Variants in HMGA2 observed in about 807,000 individuals in gnomAD.
HMGA2 encodes high mobility group protein HMGI-C.
A neutral mutation model predicts 19.1 loss-of-function variants in HMGA2; 8 were observed. The ratio of observed to expected loss-of-function variants is 0.42; its 90% CI spans 0.25 to 0.76. HMGA2 has a LOEUF of 0.76. Ranked by LOEUF, HMGA2 falls within the 30% of genes least tolerant of loss-of-function variation. HMGA2 has a pLI of 0.28. For synonymous variants in HMGA2, 60 were observed against 48.8 expected (o/e 1.23, Z -0.96); for missense variants, 109 against 136.3 (o/e 0.80, Z 1.00).
chr12:65,834,578 CCCTCCCTT>C (rs895107439), intron 2 of HMGA2, among the ~76,000 whole-genome samples: 8 of 139,180 alleles, frequency 5.7e-5, no homozygotes, highest in Admixed American at 2.2e-4. Context: ...CTCCCTCACT[CCCTCCCTT>C]CCTCCCTTCC....
chr12:65,851,957 A>C (rs1871494364), intron 3 of HMGA2, among the ~76,000 whole-genome samples: 1 of 152,186 alleles, frequency 6.6e-6, no homozygotes, highest in Non-Finnish European at 1.5e-5. Context: ...AATAATTGTC[A>C]TATCTTCTTT....
At chr12:65,863,823 C>A (rs912124627) in intron 3 of HMGA2, among the ~76,000 whole-genome samples, 1 of 152,114 alleles carries the variant, frequency 6.6e-6, no homozygotes, top group Non-Finnish European at 1.5e-5. Flanking sequence ...GTGATGTTTC[C>A]AGGTAATTTG....
intron 3 of HMGA2, among the ~76,000 whole-genome samples, chr12:65,937,440 C>T (rs1875935554): frequency 6.6e-6 from 1 of 152,240 alleles, no homozygotes; most frequent in Non-Finnish European, 1.5e-5. Context: ...CCAAGCAGAA[C>T]TGCAGTTGAC....
chr12:65,938,509 ATG>A (rs1298133377), intron 3 of HMGA2, among the ~76,000 whole-genome samples: 1 of 152,196 alleles, frequency 6.6e-6, no homozygotes, highest in Non-Finnish European at 1.5e-5. Flanking sequence ...TATATTTAAT[ATG>A]TCTTTTAAAA....
intron 3 of HMGA2, among the ~76,000 whole-genome samples, chr12:65,867,267 A>T (rs376278979): frequency 1.3e-5 from 2 of 152,158 alleles, no homozygotes; most frequent in African/African-American, 4.8e-5. Context: ...GCCCACTGAG[A>T]CATCGAGTTC....
At chr12:65,931,551 TTGTGTGTGTGTGTGTGTG>T (rs60877869) in intron 3 of HMGA2, among the ~76,000 whole-genome samples, 4 of 144,246 alleles carry the variant, frequency 2.8e-5, no homozygotes, top group East Asian at 4.1e-4. Flanking sequence ...TTATAGATGT[TTGTGTGTGTGTGTGTGTG>T]TGTGTGTGTG....
intron 3 of HMGA2, among the ~76,000 whole-genome samples, chr12:65,918,801 G>A (rs1875200334): frequency 6.6e-6 from 1 of 152,064 alleles, no homozygotes; most frequent in Non-Finnish European, 1.5e-5. Context: ...AGAAATAGCT[G>A]GAAAAGGTAA....
intron 3 of HMGA2, among the ~76,000 whole-genome samples, chr12:65,923,967 G>A (rs1256368137): frequency 3.9e-5 from 6 of 152,112 alleles, no homozygotes; most frequent in East Asian, 1.9e-4. Flanking sequence ...CCAAGAGCAC[G>A]CCATTGCACT....
At chr12:65,849,094 C>A (rs1047836862) in intron 3 of HMGA2, among the ~76,000 whole-genome samples, 3 of 152,166 alleles carry the variant, frequency 2.0e-5, no homozygotes, top group Non-Finnish European at 4.4e-5. Flanking sequence ...ATTTCCTGTT[C>A]AGAATGATTC....
chr12:65,889,933 T>G (rs995262313), intron 3 of HMGA2, among the ~76,000 whole-genome samples: 2 of 152,146 alleles, frequency 1.3e-5, no homozygotes, highest in African/African-American at 2.4e-5. Flanking sequence ...CTCTGAAAAA[T>G]TCTTCTGTCT....
At chr12:65,902,520 C>A (rs1018483692) in intron 3 of HMGA2, among the ~76,000 whole-genome samples, 15 of 152,080 alleles carry the variant, frequency 9.9e-5, no homozygotes, top group African/African-American at 3.4e-4. Flanking sequence ...AAAAAGAAAA[C>A]AACCAAAAAT....
At chr12:65,928,668 T>A (rs1462446051) in intron 3 of HMGA2, among the ~76,000 whole-genome samples, 1 of 152,216 alleles carries the variant, frequency 6.6e-6, no homozygotes, top group African/African-American at 2.4e-5. Context: ...TTTGAAAATT[T>A]TAATTTTTTT....
intron 1 of HMGA2, among the ~76,000 whole-genome samples, chr12:65,827,346 A>G (rs1870257301): frequency 6.6e-6 from 1 of 152,228 alleles, no homozygotes; most frequent in Non-Finnish European, 1.5e-5. Context: ...CTCCAAAAGG[A>G]AGTGGAGAAT....
chr12:65,867,194 G>T (rs1267992651), intron 3 of HMGA2, among the ~76,000 whole-genome samples: 1 of 152,184 alleles, frequency 6.6e-6, no homozygotes, highest in Non-Finnish European at 1.5e-5. Flanking sequence ...CCTGAATGTG[G>T]CTAATGGCAC....
chr12:65,851,754 C>T (rs1871481768), intron 3 of HMGA2: 1 of 344,972 alleles, frequency 2.9e-6, no homozygotes, highest in Non-Finnish European at 6.0e-6. Flanking sequence ...CCAAGTCTTT[C>T]TCACTATGTC....
chr12:65,936,046 T>C (rs928186165), intron 3 of HMGA2, among the ~76,000 whole-genome samples: 3 of 152,324 alleles, frequency 2.0e-5, no homozygotes, highest in South Asian at 2.1e-4. Context: ...ATAGCTTTAA[T>C]GTTCACATGG....
Position 65,855,475 on chromosome 12 carries a change from C to CACAA in HMGA2, c.249+16909_249+16910insAACA, listed in dbSNP as rs1294303247. On this transcript the variant is annotated intron_variant, in intron 3 of 4. Transcript: ENST00000403681. ...TCTCTCTCTCACACACACACACACA[C>CACAA]ACACACACACACACAGAGCAAAGCT... 2.6e-5 allele frequency among the ~76,000 whole-genome samples: 4 copies of CACAA among 151,622 alleles called. No homozygotes were observed. In the East Asian group the frequency reaches 7.8e-4, roughly 29 times the overall value.
rs1050890205 is a variant in HMGA2, at chr12:65,824,915, C to T, written c.-356C>T. On this transcript the variant is annotated 5_prime_UTR_variant, in exon 1 of 5. Coordinates refer to ENST00000403681, the MANE Select transcript of HMGA2 (RefSeq NM_003483.6). ...CCTGATCCCAACCCGCGAGAGGAGC[C>T]TCTGCGACCTCAAAGCCTCTCTTCC... is the stretch of plus-strand genomic sequence containing the variant. 1 of 301,706 alleles carries T rather than the reference C, an allele frequency of 3.3e-6. No homozygotes were observed. The highest frequency in any genetic ancestry group is 2.2e-5 in the African/African-American group (1 of 46,508). 18.7% of individuals were successfully genotyped at this position (301,706 alleles called of 1,614,324 possible). A position where few individuals can be genotyped will look rare whatever the true frequency, so the allele number is the denominator to read the frequency against.
intron 3 of HMGA2, among the ~76,000 whole-genome samples, chr12:65,946,095 C>T (rs1354939750): frequency 6.6e-6 from 1 of 152,028 alleles, no homozygotes; most frequent in African/African-American, 2.4e-5. Context: ...GTGTGAAAGG[C>T]CCCCAAAATG....
Sources: allele counts gnomAD v4.1 joint callset (sites outside exome capture counted in the v4.1 genomes callset), GRCh38; gene constraint gnomAD v4.1.1; transcripts MANE v1.5; gene names NCBI Gene and HGNC (gene_info 2026-07-23, HGNC 2026-07-21).